TTN: variants seen among roughly 807,000 people sequenced by gnomAD.
The protein encoded by TTN is connectin.
In TTN, 1,525 loss-of-function variants were observed where a neutral mutation model predicts 3,223.0. That is an observed-to-expected ratio of 0.47 (90% CI 0.45 to 0.49). The LOEUF (loss-of-function observed/expected upper bound fraction) is 0.49, where lower values mean the gene tolerates loss of function less well. Among genes scored for constraint, TTN ranks in the 20% least tolerant of loss-of-function variants. The pLI is 0.00. For missense variants in TTN, 40,786 were observed against 43,424.0 expected (o/e 0.94, Z 5.40); for synonymous variants, 14,094 against 15,161.0 (o/e 0.93, Z 5.17).
rs533551256 is a variant in TTN at position 178,591,523 on chromosome 2, A to C, written c.60221-19T>G. 1.9e-6 allele frequency: 3 copies of C among 1,582,592 alleles called. No individual in the cohort carries two copies. Among genetic ancestry groups the C allele is most frequent in the Non-Finnish European group, 2.6e-6 (3 of 1,171,090 alleles). Reference sequence around the variant, plus strand: ...GGAGGCACTGAAAAGTAAACATGAAAAAATTAGATTTTGATTTTCACCTAT... The same window carrying C: ...GGAGGCACTGAAAAGTAAACATGAACAAATTAGATTTTGATTTTCACCTAT... On this transcript the variant is annotated intron_variant, in intron 303 of 362. Coordinates refer to ENST00000589042, the MANE Select transcript of TTN (RefSeq NM_001267550.2).
In TTN at chr2:178,553,272, A is replaced by C. The variant is rs397517743; in HGVS notation, c.89628T>G (p.Asp29876Glu). The change falls in exon 335 of 363, where the codon GAT (aspartate) becomes GAG (glutamate). Residue 29876 changes from aspartate (D) to glutamate (E), a missense_variant. Coordinates refer to ENST00000589042, the MANE Select transcript of TTN (RefSeq NM_001267550.2). ...RPPPTVTWRK[D>E]EKNLGSDARY... Reference sequence around the variant, plus strand: ...TGGCATCACTGCCAAGATTCTTCTCATCTTTTCTCCATGTGACAGTAGGTG... The same window carrying C: ...TGGCATCACTGCCAAGATTCTTCTCCTCTTTTCTCCATGTGACAGTAGGTG... 27 of 1,611,526 alleles carry C rather than the reference A, an allele frequency of 1.7e-5. No individual in the cohort carries two copies. Among genetic ancestry groups the C allele is most frequent in the Non-Finnish European group, 1.8e-5 (21 of 1,179,808 alleles).
rs1259780221 is a variant in TTN, at chr2:178,622,693, C to T, written c.44890G>A (p.Glu14964Lys). ...ACCTTAGCATTTTCTCGGGAAAGTT[C>T]ACACTCAAATCGAGCCATTTCTTTT... ...REKEMARFEC[E>K]LSRENAKVKW... Residue 14964 changes from glutamate (E) to lysine (K), a missense_variant, in exon 243 of 363, where the codon GAA becomes AAA. Transcript: ENST00000589042. 1.2e-6 allele frequency: 2 copies of T among 1,606,796 alleles called. No homozygotes were observed. The highest frequency in any genetic ancestry group is 8.5e-7 in the Non-Finnish European group (1 of 1,176,622).
rs3815874 is a variant in TTN at position 178,551,294 on chromosome 2, A to G, written c.91271-34T>C. 2,547 of 1,569,926 alleles carry G rather than the reference A, an allele frequency of 1.6e-3. 65 individuals are homozygous for G. In the East Asian group the frequency reaches 0.049, roughly 30 times the overall value. ...TTATAAGGAAGGTAAATGCATCATT[A>G]CATTTGTAACCAGGTCTTAATCATC... is the stretch of plus-strand genomic sequence containing the variant. On this transcript the variant is annotated intron_variant, in intron 335 of 362. Transcript: ENST00000589042.
At chr2:178,690,983 A>AATAAC (rs1346801847) in intron 121 of TTN, among the ~76,000 whole-genome samples, 1 of 152,158 alleles carries the variant, frequency 6.6e-6, no homozygotes, top group Non-Finnish European at 1.5e-5. Flanking sequence ...TGTAGTACAT[A>AATAAC]ATAACAATGG....
chr2:178,789,637 T>A, intron 12 of TTN, 140 bp from the exon 13 acceptor site: 1 of 1,173,192 alleles, frequency 8.5e-7, no homozygotes, highest in Non-Finnish European at 1.2e-6. Context: ...TCACCGGCAA[T>A]GTCTACATAT....
In TTN at chr2:178,588,193, T is replaced by G. The variant is rs749544226; in HGVS notation, c.63214A>C (p.Arg21072=). 1.3e-6 allele frequency: 2 copies of G among 1,584,582 alleles called. No individual in the cohort carries two copies. Among genetic ancestry groups the G allele is most frequent in the South Asian group, 2.3e-5 (2 of 87,254 alleles). Residue 21072 remains arginine, a synonymous_variant, in exon 305 of 363, where the codon AGA becomes CGA. Transcript: ENST00000589042. ...IEPPGPPTNF[R]VVDTTKHSIT... ...GAATGTTTGGTTGTATCAACCACTC[T>G]GAAATTGGTTGGTGGACCAGGTGGC... is the stretch of plus-strand genomic sequence containing the variant.
In TTN at chr2:178,562,660, A is replaced by T. The variant is rs1481822671; in HGVS notation, c.83472T>A (p.Thr27824=). 3 of 1,598,144 alleles carry T rather than the reference A, an allele frequency of 1.9e-6. No individual in the cohort carries two copies. The Admixed American group carries it at 5.3e-5, about 28-fold the overall frequency. ...ATITNNCTKT[T]FRIENLQEGC... Reference sequence around the variant, plus strand: ...CTTCTTGTAGATTTTCAATTCTGAAAGTAGTTTTAGTGCAATTATTTGTAA... The same window carrying T: ...CTTCTTGTAGATTTTCAATTCTGAATGTAGTTTTAGTGCAATTATTTGTAA... Residue 27824 remains threonine (T), a synonymous_variant, in exon 326 of 363, where the codon ACT becomes ACA. Transcript: ENST00000589042.
intron 240 of TTN, among the ~76,000 whole-genome samples, chr2:178,625,926 T>C (rs1047998719): frequency 1.3e-5 from 2 of 152,020 alleles, no homozygotes; most frequent in African/African-American, 2.4e-5. Context: ...GCCTTTCACA[T>C]TGAAATTGCC....
chr2:178,669,547 C>A, intron 158 of TTN, 45 bp downstream of exon 158: 1 of 1,607,568 alleles, frequency 6.2e-7, no homozygotes. Flanking sequence ...CCATGAAAAA[C>A]TAAACCAAGA....
In TTN at chr2:178,740,492, C is replaced by T. The variant is rs879121745; in HGVS notation, c.12741G>A (p.Glu4247=). Residue 4247 remains glutamate, a synonymous_variant, in exon 48 of 363, where the codon GAG becomes GAA. Coordinates refer to ENST00000589042, the MANE Select transcript of TTN (RefSeq NM_001267550.2). Reference sequence around the variant, plus strand: ...CTTGCTTTTGAAGAGTCACTCTTTGCTCTCTGTTGGTGTCAGATACTGTCT... The same window carrying T: ...CTTGCTTTTGAAGAGTCACTCTTTGTTCTCTGTTGGTGTCAGATACTGTCT... ...KEKTVSDTNR[E]QRVTLQKQEA... 12 of 1,613,764 alleles carry T rather than the reference C, an allele frequency of 7.4e-6. No individual in the cohort carries two copies. Among genetic ancestry groups the T allele is most frequent in the Non-Finnish European group, 8.5e-6 (10 of 1,179,808 alleles).
Position 178,544,476 on chromosome 2 carries a change from A to G in TTN, c.95753T>C (p.Val31918Ala), listed in dbSNP as rs1426827889. ...AATGCTGTGTTTGGTGGTATCCACA[A>G]CTCTTGGAGCAGAAGGTGGTCCAGG... ...YTPGPPSAPR[V>A]VDTTKHSISL... The change falls in exon 345 of 363, where the codon GTT becomes GCT. Residue 31918 changes from valine (V) to alanine (A), a missense_variant. Val to Ala is a moderately conservative substitution (Grantham distance 64, BLOSUM62 0). Transcript: ENST00000589042. 2 of 1,608,300 alleles carry G rather than the reference A, an allele frequency of 1.2e-6. No individual in the cohort carries two copies. The highest frequency in any genetic ancestry group is 8.5e-7 in the Non-Finnish European group (1 of 1,175,184).
intron 359 of TTN, 166 bp from the exon 360 acceptor site, chr2:178,529,385 T>C (rs1163190537): frequency 4.1e-6 from 2 of 491,080 alleles, no homozygotes; most frequent in East Asian, 6.4e-5. Context: ...AAAATTATCA[T>C]GTGTGACTTT....
At position 178,689,003 on chromosome 2, in the gene TTN, ATTTTTTT is replaced by A. The variant is rs35770337; in HGVS notation, c.32095+43_32095+49del. 1.5e-3 allele frequency: 1,471 copies of A among 1,005,522 alleles called. 1 individual carries two copies. The highest frequency in any genetic ancestry group is 6.2e-3 in the African/African-American group (285 of 45,978). The allele number at this position is 1,005,522 out of a possible 1,614,324, so 62.3% of individuals were successfully genotyped here. ...AAGCAAGAATTTAACACACTCGAAG[ATTTTTTT>A]TTTTTTTTTTTTTTTTTGTCAGAGG... On this transcript the variant is annotated intron_variant, in intron 125 of 362. Transcript: ENST00000589042.
intron 47 of TTN, chr2:178,750,973 G>T: frequency 1.2e-6 from 2 of 1,612,712 alleles, no homozygotes; most frequent in Non-Finnish European, 8.5e-7. Context: ...GTGCTTCTTG[G>T]CTCATTCTTA....
rs760828319 is a variant in TTN at position 178,599,470 on chromosome 2, C to A, written c.56348-25G>T. ...CCTAAAATGGTTTAAAGAAGGAACCCTTTATCACTCAGATGATTTTAAAGC... is the reference window on the plus strand; with the variant it reads ...CCTAAAATGGTTTAAAGAAGGAACCATTTATCACTCAGATGATTTTAAAGC... On this transcript the variant is annotated intron_variant, in intron 289 of 362. Transcript: ENST00000589042. 2.0e-5 allele frequency: 31 copies of A among 1,517,518 alleles called. No homozygotes were observed. The Middle Eastern group carries it at 5.3e-4, about 26-fold the overall frequency. The allele number at this position is 1,517,518 out of a possible 1,614,324, so 94.0% of individuals were successfully genotyped here.
intron 43 of TTN, among the ~76,000 whole-genome samples, chr2:178,763,841 G>A (rs2089824131): frequency 6.6e-6 from 1 of 151,962 alleles, no homozygotes. Flanking sequence ...AATAATTTTA[G>A]TTTTGTCATT....
Position 178,557,882 on chromosome 2 carries a change from T to G in TTN, c.87472A>C (p.Lys29158Gln), listed in dbSNP as rs759043788. The change falls in exon 328 of 363, where the codon AAA (lysine) becomes CAA (glutamine). Residue 29158 changes from lysine to glutamine, a missense_variant. By Grantham distance (53) the Lys-to-Gln change is moderately conservative. Coordinates refer to ENST00000589042, the MANE Select transcript of TTN (RefSeq NM_001267550.2). ...SDITEESVTL[K>Q]WEPPKYDGGS... ...CCGTCATACTTAGGTGGCTCCCATT[T>G]GAGAGTCACACTTTCTTCAGTTATA... 6.2e-7 allele frequency: 1 copy of G among 1,613,854 alleles called. No individual in the cohort carries two copies. Among genetic ancestry groups the G allele is most frequent in the East Asian group, 2.2e-5 (1 of 44,874 alleles).
Position 178,564,284 on chromosome 2 carries a change from T to C in TTN, c.81848A>G (p.Asp27283Gly), listed in dbSNP as rs772380943. Residue 27283 changes from aspartate to glycine, a missense_variant, in exon 326 of 363, where the codon GAT (aspartate) becomes GGT (glycine). By Grantham distance (94) the Asp-to-Gly change is moderately conservative (BLOSUM62 -1). Transcript: ENST00000589042. Reference protein sequence around the residue: ...PNASLDPKYKDVIVVHAGETF... With the variant: ...PNASLDPKYKGVIVVHAGETF... ...CTCTCCTGCATGAACAACGATGACA[T>C]CTTTATATTTTGGATCCAGAGAGGC... The C allele has an allele frequency of 1.2e-6, 2 of 1,613,374 alleles. No individual in the cohort carries two copies. Among genetic ancestry groups the C allele is most frequent in the South Asian group, 2.2e-5 (2 of 91,078 alleles).
chr2:178,675,947 T>C lies in TTN; in HGVS notation c.34427A>G (p.Lys11476Arg), dbSNP rs1397730583. Residue 11476 changes from lysine (K) to arginine (R), a missense_variant, in exon 148 of 363, where the codon AAG (lysine) becomes AGG (arginine). Physicochemically the swap from Lys to Arg is conservative, Grantham distance 26 (BLOSUM62 2). Coordinates refer to ENST00000589042, the MANE Select transcript of TTN (RefSeq NM_001267550.2). ...TTTGGCAGGGGGAGCCTCCTCTTTCTTGGGAATGACCACTTTCTTCTCTGT... is the reference window on the plus strand; with the variant it reads ...TTTGGCAGGGGGAGCCTCCTCTTTCCTGGGAATGACCACTTTCTTCTCTGT... ...KVTEKKVVIPKKEEAPPAKVS... is the reference protein window; with the variant it reads ...KVTEKKVVIPRKEEAPPAKVS... 6.2e-7 allele frequency: 1 copy of C among 1,608,258 alleles called. No homozygotes were observed. The highest frequency in any genetic ancestry group is 1.3e-5 in the African/African-American group (1 of 74,756).
Sources: gnomAD v4.1 joint callset for allele counts (sites outside exome capture counted in the v4.1 genomes callset) on GRCh38, gnomAD v4.1.1 for gene constraint, MANE v1.5 for transcripts, NCBI Gene and HGNC (gene_info 2026-07-23, HGNC 2026-07-21) for gene names.